The following CDH1 variants were observed in gnomAD, a reference collection of about 807,000 sequenced individuals.
CDH1 encodes the protein cadherin 1.
Under a neutral mutation model 84.5 loss-of-function variants are expected in CDH1, and 35 were observed. The ratio of observed to expected loss-of-function variants is 0.41; its 90% CI spans 0.32 to 0.55. The LOEUF is 0.55. CDH1 is among the 20% of genes least tolerant of loss of function. The pLI, the probability that CDH1 is intolerant of heterozygous loss-of-function variation, is 0.19. For missense variants in CDH1, 994 were observed against 1,126.6 expected, an observed-to-expected ratio of 0.88 and a Z score of 1.68; for synonymous variants, 417 against 439.0, an observed-to-expected ratio of 0.95 and a Z score of 0.63.
At chr16:68,786,855 G>A (rs1256559813) in intron 2 of CDH1, among the ~76,000 whole-genome samples, 1 of 152,206 alleles carries the variant, frequency 6.6e-6, no homozygotes, top group African/African-American at 2.4e-5. Flanking sequence ...TCACTTCGCA[G>A]TGTTGGCTCC....
rs1284038256 is a variant in CDH1 at position 68,753,227 on chromosome 16, A to AAG, written c.163+14817_163+14818insGA. Among the ~76,000 whole-genome samples, 21 of 151,692 alleles carry AAG rather than the reference A, an allele frequency of 1.4e-4. No homozygotes were observed. In the East Asian group the frequency reaches 4.1e-3, roughly 30 times the overall value. On this transcript the variant is annotated intron_variant, in intron 2 of 15. Transcript: ENST00000261769. ...GACTCAGTCTCAAAAAAAAAAAAAAAAAAAAGCAAGGCCTGCTTAATCAGA... is the reference window on the plus strand; with the variant it reads ...GACTCAGTCTCAAAAAAAAAAAAAAAAGAAAAAGCAAGGCCTGCTTAATCAGA...
intron 15 of CDH1, among the ~76,000 whole-genome samples, chr16:68,832,742 C>T (rs1961517370): frequency 6.6e-6 from 1 of 152,044 alleles, no homozygotes; most frequent in Admixed American, 6.6e-5. Context: ...ATCGCTTGAA[C>T]CTGGGAGGCA....
At chr16:68,823,992 C>CTTTT (rs889358029) in intron 13 of CDH1, among the ~76,000 whole-genome samples, 4,715 of 99,748 alleles carry the variant, frequency 0.047, 549 homozygotes, top group African/African-American at 0.17. Context: ...TTCTGCATTT[C>CTTTT]TTTTTTTTTT....
intron 2 of CDH1, among the ~76,000 whole-genome samples, chr16:68,769,536 TG>T (rs1386281042): frequency 1.3e-5 from 2 of 152,044 alleles, no homozygotes; most frequent in East Asian, 3.9e-4. Flanking sequence ...CTTGAGCTCC[TG>T]GGATCAAGAG....
intron 2 of CDH1, among the ~76,000 whole-genome samples, chr16:68,793,448 A>G (rs1960265909): frequency 6.6e-6 from 1 of 152,198 alleles, no homozygotes; most frequent in Admixed American, 6.5e-5. Context: ...TCTCAGATCC[A>G]TTCAGCTAGC....
At chr16:68,795,405 C>G (rs1285546175) in intron 2 of CDH1, among the ~76,000 whole-genome samples, 1 of 152,184 alleles carries the variant, frequency 6.6e-6, no homozygotes, top group Non-Finnish European at 1.5e-5. Flanking sequence ...AACTCCTGGG[C>G]TCAAGTGATC....
Position 68,833,274 on chromosome 16 carries a change from G to A in CDH1, c.2440-16G>A, listed in dbSNP as rs745826347. 2 of 1,610,568 alleles carry A rather than the reference G, an allele frequency of 1.2e-6. No individual in the cohort carries two copies. Among genetic ancestry groups the A allele is most frequent in the Non-Finnish European group, 1.7e-6 (2 of 1,176,856 alleles). The stretch of plus-strand genomic sequence containing the variant: ...CTTCCTTTCACTAAAAGATGCTTTT[G>A]TCCCTTCTTCTTTAGAATCTGAAAG... On this transcript the variant is annotated splice_polypyrimidine_tract_variant and intron_variant, in intron 15 of 15. Coordinates refer to ENST00000261769, the MANE Select transcript of CDH1 (RefSeq NM_004360.5).
chr16:68,817,979 C>T (rs1479277947), intron 10 of CDH1, among the ~76,000 whole-genome samples: 1 of 152,000 alleles, frequency 6.6e-6, no homozygotes, highest in Non-Finnish European at 1.5e-5. Context: ...TGGCTCACAC[C>T]TGCAATCCCA....
intron 2 of CDH1, among the ~76,000 whole-genome samples, chr16:68,796,774 A>AG (rs397770477): frequency 1.3e-5 from 2 of 152,062 alleles, no homozygotes; most frequent in African/African-American, 2.4e-5. Flanking sequence ...GAAAAAAAAA[A>AG]GAATTCATTC....
At chr16:68,817,239 A>G (rs1366069291) in intron 10 of CDH1, among the ~76,000 whole-genome samples, 1 of 152,198 alleles carries the variant, frequency 6.6e-6, no homozygotes, top group Non-Finnish European at 1.5e-5. Context: ...ATTAAATGGC[A>G]ATAGTGCAGT....
chr16:68,773,294 CT>C (rs750916649), intron 2 of CDH1, among the ~76,000 whole-genome samples: 314 of 138,742 alleles, frequency 2.3e-3, no homozygotes, highest in Middle Eastern at 3.7e-3. Flanking sequence ...AGTTATTTTC[CT>C]TTTTTTTTTT....
intron 14 of CDH1, 42 bp from the exon 15 acceptor site, chr16:68,829,612 C>A (rs1422279980): frequency 6.2e-7 from 1 of 1,605,332 alleles, no homozygotes; most frequent in Non-Finnish European, 8.5e-7. Flanking sequence ...ATGACTATTT[C>A]TTTCCTACTC....
chr16:68,750,440 G>A (rs987939896), intron 2 of CDH1, among the ~76,000 whole-genome samples: 22 of 151,964 alleles, frequency 1.4e-4, no homozygotes, highest in African/African-American at 5.3e-4. Context: ...CTGAAAGAGG[G>A]AAAGTTACTA....
At chr16:68,775,280 CT>C (rs1959699068) in intron 2 of CDH1, among the ~76,000 whole-genome samples, 1 of 152,300 alleles carries the variant, frequency 6.6e-6, no homozygotes, top group African/African-American at 2.4e-5. Context: ...CCCCTAAATA[CT>C]TTAGTCTGCA....
rs148438557 is a variant in CDH1, at chr16:68,798,409, C to G, written c.164-3261C>G. Reference sequence around the variant, plus strand: ...CCAGAGCCTTTCTGGAGCTGAAGAACCTTTCAATCTTTCCTACAATTTCCT... The same window carrying G: ...CCAGAGCCTTTCTGGAGCTGAAGAAGCTTTCAATCTTTCCTACAATTTCCT... On this transcript the variant is annotated intron_variant, in intron 2 of 15. Coordinates refer to ENST00000261769, the MANE Select transcript of CDH1 (RefSeq NM_004360.5). Among the ~76,000 whole-genome samples, 982 of 152,184 alleles carry G rather than the reference C, an allele frequency of 6.5e-3. 28 individuals are homozygous for G. Among genetic ancestry groups the G allele is most frequent in the Non-Finnish European group, 2.5e-3 (173 of 68,004 alleles).
At position 68,827,452 on chromosome 16, in the gene CDH1, A is replaced by T. The variant is rs34629652; in HGVS notation, c.2165-722A>T. On this transcript the variant is annotated intron_variant, in intron 13 of 15. Coordinates refer to ENST00000261769, the MANE Select transcript of CDH1 (RefSeq NM_004360.5). ...TGGCTGCTTTAGAGATTTTTTTTTT[A>T]AAGTTAAATGTTAATTGTGTATATC... Among the ~76,000 whole-genome samples the T allele has an allele frequency of 6.8e-3, 1,025 of 151,030 alleles. 5 individuals carry two copies. The highest frequency in any genetic ancestry group is 0.023 in the African/African-American group (967 of 41,180).
chr16:68,757,850 T>C (rs1293056661), intron 2 of CDH1, among the ~76,000 whole-genome samples: 1 of 151,044 alleles, frequency 6.6e-6, no homozygotes, highest in East Asian at 1.9e-4. Flanking sequence ...TGGAGTGGAG[T>C]GGTACAATTT....
At chr16:68,812,740 T>TTTA (rs1960874555) in intron 8 of CDH1, among the ~76,000 whole-genome samples, 1 of 152,112 alleles carries the variant, frequency 6.6e-6, no homozygotes, top group South Asian at 2.1e-4. Flanking sequence ...GTAGGGTAAG[T>TTTA]TTAAATCATC....
At chr16:68,810,108 C>CA in intron 5 of CDH1, 89 bp from the exon 6 acceptor site, 1 of 1,422,964 alleles carries the variant, frequency 7.0e-7, no homozygotes, top group South Asian at 1.2e-5. Context: ...GTGTGGCAGC[C>CA]AGGGGGGCGC....
Sources: allele counts gnomAD v4.1 joint callset (sites outside exome capture counted in the v4.1 genomes callset), GRCh38; gene constraint gnomAD v4.1.1; transcripts MANE v1.5; gene names NCBI Gene and HGNC (gene_info 2026-07-23, HGNC 2026-07-21).